SCFD2: variants seen among roughly 807,000 people sequenced by gnomAD.
SCFD2 encodes the protein sec1 family domain-containing protein 2.
Under a neutral mutation model 58.9 loss-of-function variants are expected in SCFD2, and 54 were observed. That is an observed-to-expected ratio of 0.92 (90% CI 0.74 to 1.15). The LOEUF (loss-of-function observed/expected upper bound fraction) is 1.15. Among genes scored for constraint, SCFD2 ranks in the 50% most tolerant of loss-of-function variants. SCFD2 has a pLI of 0.00. For synonymous variants in SCFD2, 321 were observed against 335.9 expected (o/e 0.96, Z 0.49); for missense variants, 805 against 836.6 (o/e 0.96, Z 0.47).
chr4:53,176,119 G>A (rs1268541771), intron 4 of SCFD2, among the ~76,000 whole-genome samples: 1 of 152,106 alleles, frequency 6.6e-6, no homozygotes, highest in African/African-American at 2.4e-5. Flanking sequence ...GATAATAATG[G>A]AATGTACCAT....
intron 5 of SCFD2, among the ~76,000 whole-genome samples, chr4:53,117,350 T>C (rs1725353990): frequency 6.6e-6 from 1 of 152,162 alleles, no homozygotes; most frequent in Non-Finnish European, 1.5e-5. Flanking sequence ...CTTGTTCCCA[T>C]ATACAGCAGC....
At chr4:53,274,024 G>A in intron 3 of SCFD2, 23 bp from the exon 4 acceptor site, 1 of 1,587,162 alleles carries the variant, frequency 6.3e-7, no homozygotes, top group Admixed American at 1.7e-5. Context: ...GAATTTATCA[G>A]TGTACCCCCT....
chr4:53,133,598 A>G (rs1725856790), intron 5 of SCFD2, among the ~76,000 whole-genome samples: 1 of 152,224 alleles, frequency 6.6e-6, no homozygotes, highest in Admixed American at 6.5e-5. Context: ...GAAGAGAGAT[A>G]ACATAAACAA....
At chr4:52,933,971 A>G (rs1181296570) in intron 5 of SCFD2, among the ~76,000 whole-genome samples, 1 of 152,192 alleles carries the variant, frequency 6.6e-6, no homozygotes, top group Admixed American at 6.5e-5. Context: ...TGGTCTTGCC[A>G]GATGTTGGTG....
At chr4:53,161,065 G>GA (rs1367192373) in intron 4 of SCFD2, among the ~76,000 whole-genome samples, 2 of 152,094 alleles carry the variant, frequency 1.3e-5, no homozygotes, top group African/African-American at 2.4e-5. Context: ...GAAGAAGCCA[G>GA]AAAAAATATA....
intron 5 of SCFD2, among the ~76,000 whole-genome samples, chr4:52,943,230 CAAAACAA>C: frequency 7.5e-6 from 1 of 132,998 alleles, no homozygotes; most frequent in African/African-American, 4.0e-5. Flanking sequence ...TTAAACAAAA[CAAAACAA>C]AACAAAACAA....
intron 5 of SCFD2, among the ~76,000 whole-genome samples, chr4:52,997,502 G>T (rs1351180531): frequency 6.6e-6 from 1 of 152,240 alleles, no homozygotes; most frequent in Non-Finnish European, 1.5e-5. Context: ...CTTTGGAGTA[G>T]AACCAGGGGA....
At chr4:53,203,358 T>A (rs375613246) in intron 4 of SCFD2, among the ~76,000 whole-genome samples, 74 of 152,056 alleles carry the variant, frequency 4.9e-4, no homozygotes, top group African/African-American at 1.6e-3. Flanking sequence ...CATAATCAGA[T>A]TTTTTTTAGC....
At chr4:53,187,159 CA>C (rs1727760132) in intron 4 of SCFD2, among the ~76,000 whole-genome samples, 1 of 151,960 alleles carries the variant, frequency 6.6e-6, no homozygotes, top group Non-Finnish European at 1.5e-5. Context: ...CCGAGCTCAG[CA>C]TTTCACAAAA....
intron 3 of SCFD2, among the ~76,000 whole-genome samples, chr4:53,291,379 G>T (rs1235979061): frequency 6.6e-6 from 1 of 152,004 alleles, no homozygotes; most frequent in Non-Finnish European, 1.5e-5. Flanking sequence ...ATTCACAATT[G>T]CTACAAAGAG....
At chr4:53,235,915 G>T (rs559735383) in intron 4 of SCFD2, among the ~76,000 whole-genome samples, 1 of 152,314 alleles carries the variant, frequency 6.6e-6, no homozygotes, top group Non-Finnish European at 1.5e-5. Context: ...ACACTCTAAA[G>T]CCTGGGGCAA....
intron 2 of SCFD2, among the ~76,000 whole-genome samples, chr4:53,337,808 A>G (rs1358974141): frequency 6.6e-6 from 1 of 152,226 alleles, no homozygotes; most frequent in African/African-American, 2.4e-5. Context: ...ACACAAGAGT[A>G]TACACTATAT....
intron 4 of SCFD2, among the ~76,000 whole-genome samples, chr4:53,254,225 GTCAAAA>G (rs1577901932): frequency 6.6e-6 from 1 of 152,256 alleles, no homozygotes; most frequent in East Asian, 1.9e-4. Context: ...ATCCTCACGT[GTCAAAA>G]GCAGGACCAG....
rs192454706 is a variant in SCFD2, at chr4:53,235,796, C to T, written c.1311+38030G>A. On this transcript the variant is annotated intron_variant, in intron 4 of 8. Transcript: ENST00000401642. ...GTATGAGCATGCGTGTGTGTGCATACGTGTGTGCATACATACGTGTGTGCA... is the reference window on the plus strand; with the variant it reads ...GTATGAGCATGCGTGTGTGTGCATATGTGTGTGCATACATACGTGTGTGCA... Among the ~76,000 whole-genome samples the T allele has an allele frequency of 9.0e-4, 137 of 152,104 alleles. 1 individual carries two copies. The South Asian group carries it at 0.013, about 14-fold the overall frequency.
chr4:53,055,831 T>C (rs1459025575), intron 5 of SCFD2, among the ~76,000 whole-genome samples: 23 of 152,060 alleles, frequency 1.5e-4, no homozygotes, highest in Admixed American at 1.5e-3. Context: ...GGTCTGGGTA[T>C]TGGAGTGTGT....
intron 5 of SCFD2, among the ~76,000 whole-genome samples, chr4:53,035,514 AAACTATCATCAGAGTG>A (rs1445933228): frequency 6.6e-6 from 1 of 152,228 alleles, no homozygotes; most frequent in Admixed American, 6.5e-5. Flanking sequence ...ACAGCAAAAG[AAACTATCATCAGAGTG>A]AACAGGTAAC....
At chr4:53,201,645 T>A (rs998800535) in intron 4 of SCFD2, among the ~76,000 whole-genome samples, 1 of 152,142 alleles carries the variant, frequency 6.6e-6, no homozygotes, top group Non-Finnish European at 1.5e-5. Context: ...CCACCAACAG[T>A]GTAAAAGTGT....
chr4:53,178,645 C>T (rs954527728), intron 4 of SCFD2, among the ~76,000 whole-genome samples: 44 of 152,290 alleles, frequency 2.9e-4, no homozygotes, highest in African/African-American at 7.9e-4. Flanking sequence ...CAAAGCTGGA[C>T]GGAGAATGAC....
At chr4:53,328,811 T>C (rs1048488925) in intron 2 of SCFD2, among the ~76,000 whole-genome samples, 1 of 152,152 alleles carries the variant, frequency 6.6e-6, no homozygotes, top group Non-Finnish European at 1.5e-5. Flanking sequence ...GACAGGTGAT[T>C]TCTGCATTTC....
Sources: allele counts gnomAD v4.1 joint callset (sites outside exome capture counted in the v4.1 genomes callset), GRCh38; gene constraint gnomAD v4.1.1; transcripts MANE v1.5; gene names NCBI Gene and HGNC (gene_info 2026-07-23, HGNC 2026-07-21).